Variants in EHMT1 observed in about 807,000 individuals in gnomAD.
The protein encoded by EHMT1 is euchromatic histone lysine methyltransferase 1.
Under a neutral mutation model 147.2 loss-of-function variants are expected in EHMT1, and 15 were observed. The ratio of observed to expected loss-of-function variants is 0.10; its 90% CI spans 0.07 to 0.16. The LOEUF is 0.16. EHMT1 is among the 10% of genes least tolerant of loss of function. The pLI is 1.00. For synonymous variants in EHMT1, 795 were observed against 709.6 expected (o/e 1.12, Z -1.91); for missense variants, 1,587 against 1,772.4 (o/e 0.90, Z 1.88).
At chr9:137,669,087 A>G (rs928769573) in intron 1 of EHMT1, among the ~76,000 whole-genome samples, 22 of 152,104 alleles carry the variant, frequency 1.4e-4, no homozygotes, top group Admixed American at 1.2e-3. Flanking sequence ...GGGTTTCACC[A>G]TGTTGGGCAA....
chr9:137,816,810 G>A (rs1954953809), intron 23 of EHMT1: 1 of 171,670 alleles, frequency 5.8e-6, no homozygotes, highest in Non-Finnish European at 1.3e-5. Flanking sequence ...GCCTGGTGGT[G>A]AGGACCCACG....
Position 137,813,248 on chromosome 9 carries a change from C to T in EHMT1, c.3035+75C>T, listed in dbSNP as rs1954638072. 5.1e-6 allele frequency: 8 copies of T among 1,573,120 alleles called. No individual in the cohort carries two copies. The Admixed American group carries it at 1.5e-4, about 29-fold the overall frequency. On this transcript the variant is annotated intron_variant, in intron 20 of 26. Coordinates refer to ENST00000460843, the MANE Select transcript of EHMT1 (RefSeq NM_024757.5). The surrounding 1 kb of genome is among the most constrained non-coding windows in gnomAD (Gnocchi z 4.9). Reference sequence around the variant, plus strand: ...CTTTGGGAACTTGCGGTGAAAGCTGCTCCTGAAGCCGAAACATCCCCAGGC... The same window carrying T: ...CTTTGGGAACTTGCGGTGAAAGCTGTTCCTGAAGCCGAAACATCCCCAGGC...
chr9:137,814,529 G>A (rs763252984), intron 22 of EHMT1, 21 bp downstream of exon 22: 59 of 1,601,694 alleles, frequency 3.7e-5, no homozygotes, highest in East Asian at 3.6e-4. Context: ...CCTCGTGTGC[G>A]TGGGCTCAGG....
chr9:137,762,388 T>G (rs1949895886), intron 9 of EHMT1, among the ~76,000 whole-genome samples: 1 of 152,102 alleles, frequency 6.6e-6, no homozygotes, highest in South Asian at 2.1e-4. Context: ...AGCCTCTGGC[T>G]TTGGAACTTG....
chr9:137,671,017 C>T (rs1940552833), intron 1 of EHMT1, among the ~76,000 whole-genome samples: 3 of 152,162 alleles, frequency 2.0e-5, no homozygotes, highest in Admixed American at 2.0e-4. Context: ...AGCCGCTGTG[C>T]ACGTGGTTGA....
Position 137,635,761 on chromosome 9 carries a change from A to G in EHMT1, c.21+16712A>G, listed in dbSNP as rs939841737. On this transcript the variant is annotated intron_variant, in intron 1 of 26. Transcript: ENST00000460843. Reference sequence around the variant, plus strand: ...CATGAACCTGGGAGGCGGAGCTTGCAGTGAGCTGAGATGGTGCCACTGCTC... The same window carrying G: ...CATGAACCTGGGAGGCGGAGCTTGCGGTGAGCTGAGATGGTGCCACTGCTC... Among the ~76,000 whole-genome samples the G allele has an allele frequency of 1.5e-4, 23 of 150,854 alleles. 1 individual carries two copies. The highest frequency in any genetic ancestry group is 2.9e-5 in the Non-Finnish European group (2 of 67,800).
At chr9:137,621,090 A>G (rs1842919647) in intron 1 of EHMT1, among the ~76,000 whole-genome samples, 1 of 152,224 alleles carries the variant, frequency 6.6e-6, no homozygotes, top group African/African-American at 2.4e-5. Context: ...CATAGAGCTG[A>G]TGCTTGCTAA....
At chr9:137,810,722 G>A (rs1338174679) in intron 18 of EHMT1, among the ~76,000 whole-genome samples, 6 of 150,268 alleles carry the variant, frequency 4.0e-5, no homozygotes, top group Admixed American at 2.7e-4. Context: ...TTTTGAGACA[G>A]AGTTTCGCTC....
intron 18 of EHMT1, chr9:137,803,382 A>G: frequency 2.4e-6 from 2 of 839,278 alleles, no homozygotes; most frequent in Non-Finnish European, 2.9e-6. Context: ...AGCCATGCCC[A>G]GCCCACCCCT....
rs545718053 is a variant in EHMT1 at position 137,677,952 on chromosome 9, C to G, written c.22-33015C>G. Among the ~76,000 whole-genome samples the G allele has an allele frequency of 3.4e-4, 51 of 151,122 alleles. No individual in the cohort carries two copies. The East Asian group carries it at 9.8e-3, about 29-fold the overall frequency. On this transcript the variant is annotated intron_variant, in intron 1 of 26. Coordinates refer to ENST00000460843, the MANE Select transcript of EHMT1 (RefSeq NM_024757.5). The stretch of plus-strand genomic sequence containing the variant: ...GGCGTGGCGGCGGGCGCCTGTAGTC[C>G]CAGCTACTCAGGAGGCTGAGGCAGG...
At chr9:137,635,712 C>T (rs1028047093) in intron 1 of EHMT1, among the ~76,000 whole-genome samples, 8 of 150,602 alleles carry the variant, frequency 5.3e-5, no homozygotes, top group African/African-American at 1.5e-4. Context: ...TCCAGCTACT[C>T]GGGAGGCTGA....
chr9:137,656,190 G>A (rs1241199475), intron 1 of EHMT1, among the ~76,000 whole-genome samples: 1 of 152,106 alleles, frequency 6.6e-6, no homozygotes, highest in Non-Finnish European at 1.5e-5. Context: ...GACCAGCCTG[G>A]CCAACATGGT....
chr9:137,742,693 C>G (rs1948207676), intron 4 of EHMT1, among the ~76,000 whole-genome samples: 1 of 152,214 alleles, frequency 6.6e-6, no homozygotes, highest in Admixed American at 6.5e-5. Context: ...CAGACATTTG[C>G]TTCTCCCTCT....
At position 137,834,056 on chromosome 9, in the gene EHMT1, C is replaced by T. The variant is rs1394850033; in HGVS notation, c.3541-293C>T. 3 of 503,248 alleles carry T rather than the reference C, an allele frequency of 6.0e-6. No homozygotes were observed. The East Asian group carries it at 1.1e-4, about 18-fold the overall frequency. 31.2% of individuals were successfully genotyped at this position (503,248 alleles called of 1,614,324 possible). The stretch of plus-strand genomic sequence containing the variant: ...TGGGATGGCGCTGTCCACATTCCAC[C>T]GCGCTGGAAGCCCCATGGGGACGCC... On this transcript the variant is annotated intron_variant, in intron 25 of 26. Transcript: ENST00000460843.
intron 10 of EHMT1, 127 bp downstream of exon 10, chr9:137,762,947 C>A: frequency 8.2e-7 from 1 of 1,221,574 alleles, no homozygotes; most frequent in Non-Finnish European, 1.2e-6. Flanking sequence ...TGAGTGGATT[C>A]TGCGCAGAAC....
chr9:137,699,185 T>A (rs1277980215), intron 1 of EHMT1, among the ~76,000 whole-genome samples: 1 of 152,222 alleles, frequency 6.6e-6, no homozygotes, highest in African/African-American at 2.4e-5. Context: ...AGTTTAATAA[T>A]TTATACTGTA....
intron 4 of EHMT1, among the ~76,000 whole-genome samples, chr9:137,733,009 G>A (rs1412470237): frequency 6.6e-6 from 1 of 152,192 alleles, no homozygotes; most frequent in East Asian, 1.9e-4. Flanking sequence ...AACGTGCATT[G>A]TACTCCTGAA....
intron 1 of EHMT1, chr9:137,697,180 C>T: frequency 3.0e-6 from 1 of 338,914 alleles, no homozygotes; most frequent in South Asian, 2.1e-5. Context: ...ACTTGGGAGG[C>T]TGAGGCAGGA....
chr9:137,662,566 C>G (rs984748153), intron 1 of EHMT1, among the ~76,000 whole-genome samples: 1 of 152,160 alleles, frequency 6.6e-6, no homozygotes, highest in South Asian at 2.1e-4. Context: ...GTGGCATGAT[C>G]TCAGCTCACT....
Sources: gnomAD v4.1 joint callset for allele counts (sites outside exome capture counted in the v4.1 genomes callset) on GRCh38, gnomAD v4.1.1 for gene constraint, Gnocchi (gnomAD v3.1) non-coding constraint, MANE v1.5 for transcripts, NCBI Gene and HGNC (gene_info 2026-07-23, HGNC 2026-07-21) for gene names.